DCC: variants seen among roughly 807,000 people sequenced by gnomAD.
DCC encodes DCC netrin 1 receptor.
DCC carries 58 observed loss-of-function variants against 172.5 expected under a neutral mutation model. That is an observed-to-expected ratio of 0.34 (90% CI 0.27 to 0.42). The LOEUF (loss-of-function observed/expected upper bound fraction) is 0.42. Ranked by LOEUF, DCC falls within the 10% of genes least tolerant of loss-of-function variation. The pLI is 1.00. For synonymous variants in DCC, 709 were observed against 644.5 expected, an observed-to-expected ratio of 1.10 and a Z score of -1.52; for missense variants, 1,740 against 1,791.0, an observed-to-expected ratio of 0.97 and a Z score of 0.51.
At chr18:52,642,506 T>C (rs1051492419) in intron 1 of DCC, among the ~76,000 whole-genome samples, 4 of 152,160 alleles carry the variant, frequency 2.6e-5, no homozygotes, top group African/African-American at 9.7e-5. Flanking sequence ...AAACTTGCTC[T>C]GGGCAAAGAC....
intron 9 of DCC, among the ~76,000 whole-genome samples, chr18:53,182,904 G>A (rs1162331782): frequency 2.0e-5 from 3 of 152,022 alleles, no homozygotes; most frequent in South Asian, 2.1e-4. Context: ...TTATGACTTC[G>A]CTAGACTATC....
At chr18:53,504,513 G>A (rs935487724) in intron 27 of DCC, among the ~76,000 whole-genome samples, 1 of 152,196 alleles carries the variant, frequency 6.6e-6, no homozygotes, top group African/African-American at 2.4e-5. Flanking sequence ...AGCTATCGGT[G>A]TGGCTTTTTG....
At chr18:53,484,008 TAG>T (rs1326815040) in intron 25 of DCC, among the ~76,000 whole-genome samples, 2 of 138,934 alleles carry the variant, frequency 1.4e-5, no homozygotes, top group South Asian at 2.2e-4. Flanking sequence ...GATAGATAGA[TAG>T]ATATAGTGTG....
At chr18:52,406,642 T>A (rs1986662480) in intron 1 of DCC, among the ~76,000 whole-genome samples, 1 of 152,106 alleles carries the variant, frequency 6.6e-6, no homozygotes, top group East Asian at 1.9e-4. Flanking sequence ...GATAAAGGGC[T>A]AGCTAATCCT....
At chr18:53,300,958 A>ATTCTTTCTTTCTTTTTCTTTCTTTCT (rs1436953257) in intron 12 of DCC, among the ~76,000 whole-genome samples, 2 of 81,696 alleles carry the variant, frequency 2.4e-5, no homozygotes, top group African/African-American at 1.1e-4. Context: ...TTGGTTCTGG[A>ATTCTTTCTTTCTTTTTCTTTCTTTCT]TTCATTCTTT....
intron 5 of DCC, among the ~76,000 whole-genome samples, chr18:53,009,192 T>G (rs1371377556): frequency 6.6e-6 from 1 of 151,986 alleles, no homozygotes; most frequent in Non-Finnish European, 1.5e-5. Context: ...CATGATGTCT[T>G]TCTTATTTAT....
intron 7 of DCC, among the ~76,000 whole-genome samples, chr18:53,100,578 A>G (rs1025130173): frequency 3.9e-5 from 6 of 151,968 alleles, no homozygotes; most frequent in Non-Finnish European, 8.8e-5. Context: ...GTCAGAGAAA[A>G]GAAAGATAGA....
At chr18:52,509,567 G>A (rs2031360073) in intron 1 of DCC, among the ~76,000 whole-genome samples, 1 of 152,138 alleles carries the variant, frequency 6.6e-6, no homozygotes, top group Admixed American at 6.5e-5. Context: ...ACAGCTCATT[G>A]CCTTCTTCCA....
intron 1 of DCC, among the ~76,000 whole-genome samples, chr18:52,741,338 T>A (rs77805416): frequency 0.028 from 4,202 of 152,284 alleles, 194 homozygotes; most frequent in African/African-American, 0.096. Flanking sequence ...CTCTGCTTCT[T>A]CCAATGACCT....
chr18:52,518,997 A>G (rs1311904684), intron 1 of DCC, among the ~76,000 whole-genome samples: 1 of 152,220 alleles, frequency 6.6e-6, no homozygotes, highest in Non-Finnish European at 1.5e-5. Flanking sequence ...GAGTTGAAAC[A>G]GTTTTCAGTA....
chr18:52,442,168 T>C (rs1322704822), intron 1 of DCC, among the ~76,000 whole-genome samples: 1 of 152,202 alleles, frequency 6.6e-6, no homozygotes, highest in Non-Finnish European at 1.5e-5. Context: ...AACATGAACA[T>C]CTCAGAGTGA....
rs995830045 is a variant in DCC at position 53,403,002 on chromosome 18, T to A, written c.2935+109T>A. ...CGTGTGGCATTATTCTGTCCCTACATCTCAGCTGACTCCATGACCCTTTTT... is the reference window on the plus strand; with the variant it reads ...CGTGTGGCATTATTCTGTCCCTACAACTCAGCTGACTCCATGACCCTTTTT... On this transcript the variant is annotated intron_variant, in intron 19 of 28. Coordinates refer to ENST00000442544, the MANE Select transcript of DCC (RefSeq NM_005215.4). 4 of 822,044 alleles carry A rather than the reference T, an allele frequency of 4.9e-6. No homozygotes were observed. In the African/African-American group the frequency reaches 5.0e-5, roughly 10 times the overall value. 50.9% of individuals were successfully genotyped at this position (822,044 alleles called of 1,614,324 possible).
rs540884228 is a variant in DCC at position 53,435,138 on chromosome 18, G to T, written c.3164-6G>T. 3.7e-5 allele frequency: 59 copies of T among 1,606,914 alleles called. No homozygotes were observed. The South Asian group carries it at 5.2e-4, about 14-fold the overall frequency. On this transcript the variant is annotated splice_polypyrimidine_tract_variant and splice_region_variant and intron_variant, in intron 21 of 28. Coordinates refer to ENST00000442544, the MANE Select transcript of DCC (RefSeq NM_005215.4). Reference sequence around the variant, plus strand: ...TGACATTGTGACATGCTCTCCCAATGAACAGGTCGTCATGGAGATGGAGGT... The same window carrying T: ...TGACATTGTGACATGCTCTCCCAATTAACAGGTCGTCATGGAGATGGAGGT...
chr18:53,401,854 T>C (rs1909315954), intron 18 of DCC, among the ~76,000 whole-genome samples: 1 of 152,168 alleles, frequency 6.6e-6, no homozygotes, highest in Admixed American at 6.6e-5. Flanking sequence ...CTTGGCTAGC[T>C]TAACCAGTTT....
At chr18:52,347,505 T>A (rs1983930823) in intron 1 of DCC, among the ~76,000 whole-genome samples, 1 of 152,164 alleles carries the variant, frequency 6.6e-6, no homozygotes, top group South Asian at 2.1e-4. Flanking sequence ...ACTGTTACTA[T>A]TGTTGAGTTT....
Position 53,499,444 on chromosome 18 carries a change from T to C in DCC, c.4045T>C (p.Leu1349=), listed in dbSNP as rs763878241. ...THPLRSFANP[L]LPPPMSAIEP... ...CCCACTCCGCAGCTTTGCTAATCCT[T>C]TGCTACCTCCACCAATGAGTGCAAT... The change falls in exon 27 of 29, where the codon TTG becomes CTG. Residue 1349 remains leucine, a synonymous_variant. Coordinates refer to ENST00000442544, the MANE Select transcript of DCC (RefSeq NM_005215.4). The C allele has an allele frequency of 6.2e-7, 1 of 1,614,092 alleles. No homozygotes were observed. Among genetic ancestry groups the C allele is most frequent in the Non-Finnish European group, 8.5e-7 (1 of 1,180,004 alleles).
intron 14 of DCC, among the ~76,000 whole-genome samples, chr18:53,336,008 G>T (rs527238704): frequency 2.0e-5 from 3 of 152,092 alleles, no homozygotes; most frequent in Non-Finnish European, 4.4e-5. Flanking sequence ...CCCACAACAC[G>T]TAGGAATTGT....
chr18:52,831,516 G>C (rs999374350), intron 2 of DCC, among the ~76,000 whole-genome samples: 3 of 152,096 alleles, frequency 2.0e-5, no homozygotes, highest in Non-Finnish European at 4.4e-5. Flanking sequence ...GAAGTGTTGA[G>C]ACGTGGTAAC....
intron 1 of DCC, among the ~76,000 whole-genome samples, chr18:52,426,908 G>T (rs1292048413): frequency 6.6e-6 from 1 of 152,082 alleles, no homozygotes; most frequent in Admixed American, 6.6e-5. Context: ...TACTTACAAG[G>T]TTTCAAGCAC....
Sources: allele counts gnomAD v4.1 joint callset (sites outside exome capture counted in the v4.1 genomes callset), GRCh38; gene constraint gnomAD v4.1.1; transcripts MANE v1.5; gene names NCBI Gene and HGNC (gene_info 2026-07-23, HGNC 2026-07-21).